The following KCNMA1 variants were observed in gnomAD, a reference collection of about 807,000 sequenced individuals.
The protein encoded by KCNMA1 is Calcium-activated potassium channel subunit alpha-1.
A neutral mutation model predicts 140.0 loss-of-function variants in KCNMA1; 29 were observed. The ratio of observed to expected loss-of-function variants is 0.21; its 90% CI spans 0.15 to 0.28. KCNMA1 has a LOEUF of 0.28. Ranked by LOEUF, KCNMA1 falls within the 10% of genes least tolerant of loss-of-function variation. The pLI, the probability that KCNMA1 is intolerant of heterozygous loss-of-function variation, is 1.00. For missense variants in KCNMA1, 880 were observed against 1,602.2 expected, an observed-to-expected ratio of 0.55 and a Z score of 7.70; for synonymous variants, 612 against 611.9, an observed-to-expected ratio of 1.00 and a Z score of 0.00.
intron 5 of KCNMA1, among the ~76,000 whole-genome samples, chr10:77,152,415 A>T: frequency 6.6e-6 from 1 of 152,118 alleles, no homozygotes; most frequent in Admixed American, 6.6e-5. Context: ...TTGGGAAGTG[A>T]TCTCAGGAAA....
At chr10:77,225,756 G>A (rs1009044220) in intron 3 of KCNMA1, among the ~76,000 whole-genome samples, 3 of 152,174 alleles carry the variant, frequency 2.0e-5, no homozygotes, top group African/African-American at 7.2e-5. Flanking sequence ...GCACCAAGGG[G>A]CCATGGAGGC....
intron 1 of KCNMA1, among the ~76,000 whole-genome samples, chr10:77,404,440 C>T (rs376442870): frequency 2.6e-5 from 4 of 151,952 alleles, no homozygotes; most frequent in Admixed American, 6.6e-5. Flanking sequence ...CCACCATGCT[C>T]GGCTAATTTT....
At chr10:77,580,154 G>C (rs1220703596) in intron 1 of KCNMA1, among the ~76,000 whole-genome samples, 3 of 152,124 alleles carry the variant, frequency 2.0e-5, no homozygotes, top group Non-Finnish European at 4.4e-5. Flanking sequence ...GGCCGAGGCG[G>C]GCAGATCACG....
intron 5 of KCNMA1, among the ~76,000 whole-genome samples, chr10:77,171,398 TGC>T (rs768040982): frequency 0.12 from 8,930 of 71,714 alleles, 421 homozygotes; most frequent in Non-Finnish European, 0.18. Flanking sequence ...TGTGTGTGTG[TGC>T]GTGTGTGTGT....
chr10:77,594,662 C>A (rs1437472736), intron 1 of KCNMA1, among the ~76,000 whole-genome samples: 1 of 152,166 alleles, frequency 6.6e-6, no homozygotes, highest in Non-Finnish European at 1.5e-5. Context: ...CTTACAAGTC[C>A]CACAGGGCAC....
intron 1 of KCNMA1, among the ~76,000 whole-genome samples, chr10:77,488,383 G>A (rs2098486259): frequency 6.6e-6 from 1 of 152,210 alleles, no homozygotes; most frequent in Admixed American, 6.5e-5. Context: ...CAGGGCAGTG[G>A]GCCACCCACC....
intron 2 of KCNMA1, among the ~76,000 whole-genome samples, chr10:77,264,122 C>A (rs941555473): frequency 6.6e-6 from 1 of 152,140 alleles, no homozygotes; most frequent in Non-Finnish European, 1.5e-5. Context: ...CAGCATAAAC[C>A]TCTGCATGTG....
intron 17 of KCNMA1, among the ~76,000 whole-genome samples, chr10:77,017,304 T>C (rs891991493): frequency 7.2e-5 from 11 of 152,208 alleles, no homozygotes; most frequent in Admixed American, 7.2e-4. Flanking sequence ...GGTGCTGAGA[T>C]GCTGTTTCAA....
chr10:77,572,085 G>C (rs1216036852), intron 1 of KCNMA1, among the ~76,000 whole-genome samples: 1 of 152,196 alleles, frequency 6.6e-6, no homozygotes, highest in Non-Finnish European at 1.5e-5. Context: ...GAACAGAGCA[G>C]AGTGGATGGG....
In KCNMA1 at chr10:76,887,492, T is replaced by C. The variant is rs2037618919; in HGVS notation, c.3485A>G (p.Tyr1162Cys). ...TKRYVITNPP[Y>C]EFELVPTDLI... ...GTCCGTCGGCACGAGCTCAAACTCA[T>C]AGGGCGGGTTGGTGATGACATACCT... The change falls in exon 28 of 28, where the codon TAT becomes TGT. Residue 1162 changes from tyrosine to cysteine, a missense_variant. Coordinates refer to ENST00000286628, the MANE Select transcript of KCNMA1 (RefSeq NM_001161352.2). The C allele has an allele frequency of 7.4e-6, 12 of 1,614,050 alleles. No individual in the cohort carries two copies. The highest frequency in any genetic ancestry group is 2.2e-5 in the East Asian group (1 of 44,852).
intron 15 of KCNMA1, among the ~76,000 whole-genome samples, chr10:77,038,310 T>C (rs2094460415): frequency 6.6e-6 from 1 of 152,176 alleles, no homozygotes; most frequent in Non-Finnish European, 1.5e-5. Flanking sequence ...TGTTTCGATG[T>C]CTTCAGACCT....
At chr10:77,602,955 G>C (rs888062541) in intron 1 of KCNMA1, among the ~76,000 whole-genome samples, 1 of 152,228 alleles carries the variant, frequency 6.6e-6, no homozygotes, top group African/African-American at 2.4e-5. Context: ...TATGAAACAA[G>C]AGAGGCGGCC....
rs1491535743 is a variant in KCNMA1, at chr10:76,913,552, GGA to G, written c.3016+1382_3016+1383del. ...CTTCTGAGAAATGCCCTAGTAGGGG[GGA>G]AAAAAAAAAAAGGCAAATAAAGTCA... On this transcript the variant is annotated intron_variant, in intron 24 of 27. Transcript: ENST00000286628. 117 of 144,176 alleles carry G rather than the reference GGA, an allele frequency of 8.1e-4. 1 individual carries two copies. Among genetic ancestry groups the G allele is most frequent in the African/African-American group, 2.6e-3 (104 of 39,390 alleles). The allele number at this position is 144,176 out of a possible 1,614,324, so 8.9% of individuals were successfully genotyped here. A position where few individuals can be genotyped will look rare whatever the true frequency, so the allele number is the denominator to read the frequency against.
At chr10:77,016,653 C>T (rs1255010047) in intron 17 of KCNMA1, among the ~76,000 whole-genome samples, 3 of 152,032 alleles carry the variant, frequency 2.0e-5, no homozygotes, top group Non-Finnish European at 4.4e-5. Flanking sequence ...ACTGAGCCAC[C>T]GTTTTGTGAC....
chr10:77,269,545 T>A (rs2064387055), intron 2 of KCNMA1, among the ~76,000 whole-genome samples: 1 of 152,168 alleles, frequency 6.6e-6, no homozygotes, highest in African/African-American at 2.4e-5. Context: ...AGCAATTACA[T>A]CAGCATCTCT....
intron 3 of KCNMA1, among the ~76,000 whole-genome samples, chr10:77,222,107 CAA>C (rs953022102): frequency 3.9e-5 from 6 of 152,114 alleles, no homozygotes; most frequent in Non-Finnish European, 4.4e-5. Flanking sequence ...ATCCTCCCTA[CAA>C]GAGAGAGAAA....
chr10:77,147,696 T>A (rs2616652), intron 5 of KCNMA1: 132,417 of 152,210 alleles, frequency 0.87, 57,614 homozygotes, highest in East Asian at 0.91. Context: ...AATCCTCCCT[T>A]ATCCCACTTC....
chr10:77,368,160 G>A (rs1040270742), intron 2 of KCNMA1, among the ~76,000 whole-genome samples: 1 of 152,162 alleles, frequency 6.6e-6, no homozygotes, highest in East Asian at 1.9e-4. Flanking sequence ...ATTCCCATTA[G>A]TAATGTCTGA....
At chr10:77,120,058 T>C (rs1233727375) in intron 6 of KCNMA1, among the ~76,000 whole-genome samples, 2 of 152,198 alleles carry the variant, frequency 1.3e-5, no homozygotes, top group Non-Finnish European at 2.9e-5. Flanking sequence ...ACAGATATAT[T>C]AATTACAAAT....
Sources: gnomAD v4.1 joint callset for allele counts (sites outside exome capture counted in the v4.1 genomes callset) on GRCh38, gnomAD v4.1.1 for gene constraint, MANE v1.5 for transcripts, NCBI Gene and HGNC (gene_info 2026-07-23, HGNC 2026-07-21) for gene names.